Variants in PRKN observed in about 807,000 individuals in gnomAD.
PRKN encodes parkin RBR E3 ubiquitin protein ligase, also known as E3 ubiquitin-protein ligase parkin.
A neutral mutation model predicts 59.5 loss-of-function variants in PRKN; 56 were observed. The ratio of observed to expected loss-of-function variants is 0.94; its 90% CI spans 0.76 to 1.18. The LOEUF (loss-of-function observed/expected upper bound fraction) is 1.18, where lower values mean the gene tolerates loss of function less well. Among genes scored for constraint, PRKN ranks in the 50% most tolerant of loss-of-function variants. The pLI is 0.00. For synonymous variants in PRKN, 250 were observed against 222.1 expected, an observed-to-expected ratio of 1.13 and a Z score of -1.12; for missense variants, 657 against 596.4, an observed-to-expected ratio of 1.10 and a Z score of -1.06.
At chr6:161,683,084 C>T (rs575069297) in intron 7 of PRKN, among the ~76,000 whole-genome samples, 2 of 152,348 alleles carry the variant, frequency 1.3e-5, no homozygotes, top group East Asian at 1.9e-4. Context: ...GCACGACCTA[C>T]GTGCCCTTTA....
At chr6:162,169,758 A>G (rs746999734) in intron 4 of PRKN, among the ~76,000 whole-genome samples, 1 of 152,218 alleles carries the variant, frequency 6.6e-6, no homozygotes, top group Non-Finnish European at 1.5e-5. Flanking sequence ...TTGCTCCCAA[A>G]AAATATTAAA....
intron 1 of PRKN, among the ~76,000 whole-genome samples, chr6:162,590,576 T>C (rs1781262766): frequency 6.6e-6 from 1 of 152,164 alleles, no homozygotes; most frequent in African/African-American, 2.4e-5. Context: ...CCACCAGTCT[T>C]GAATGGGATT....
intron 2 of PRKN, among the ~76,000 whole-genome samples, chr6:162,376,380 G>A (rs941576337): frequency 5.3e-5 from 8 of 152,042 alleles, no homozygotes; most frequent in African/African-American, 1.9e-4. Flanking sequence ...TATCCACATG[G>A]ATCCTTATGT....
chr6:162,670,062 CT>C (rs1168993357), intron 1 of PRKN, among the ~76,000 whole-genome samples: 4 of 152,120 alleles, frequency 2.6e-5, no homozygotes, highest in Non-Finnish European at 4.4e-5. Context: ...TAAAAGTATC[CT>C]TGGTAAAGTG....
intron 1 of PRKN, among the ~76,000 whole-genome samples, chr6:162,443,862 T>C (rs1422824337): frequency 1.3e-5 from 2 of 151,882 alleles, no homozygotes; most frequent in Non-Finnish European, 2.9e-5. Flanking sequence ...ACCCTCTTAA[T>C]AAAAATAGGA....
intron 5 of PRKN, among the ~76,000 whole-genome samples, chr6:161,996,514 C>A (rs1013116666): frequency 6.6e-6 from 1 of 152,086 alleles, no homozygotes; most frequent in Admixed American, 6.6e-5. Flanking sequence ...TAATGGTATT[C>A]CAAATTTACT....
intron 3 of PRKN, among the ~76,000 whole-genome samples, chr6:162,212,518 G>T (rs117483596): frequency 1.9e-4 from 29 of 152,278 alleles, no homozygotes; most frequent in Non-Finnish European, 2.9e-4. Flanking sequence ...TTTTGATATT[G>T]TCTCTGCCTA....
rs538446803 is a variant in PRKN, at chr6:161,807,154, C to T, written c.735-21246G>A. 4.6e-5 allele frequency among the ~76,000 whole-genome samples: 7 copies of T among 152,226 alleles called. No homozygotes were observed. In the East Asian group the frequency reaches 9.6e-4, roughly 21 times the overall value. ...AAGTGTTACATTGAGGATATGAGAACGAGCAATATTCTGTTGCTATAAATC... is the reference window on the plus strand; with the variant it reads ...AAGTGTTACATTGAGGATATGAGAATGAGCAATATTCTGTTGCTATAAATC... On this transcript the variant is annotated intron_variant, in intron 6 of 11. Coordinates refer to ENST00000366898, the MANE Select transcript of PRKN (RefSeq NM_004562.3).
Position 161,417,484 on chromosome 6 carries a change from G to GACCAC in PRKN, c.1084-30612_1084-30608dup, listed in dbSNP as rs1227985170. On this transcript the variant is annotated intron_variant, in intron 9 of 11. Transcript: ENST00000366898. This position sits in a 1 kb window ranked among gnomAD's most constrained non-coding sequence, Gnocchi z 5.4. ...AAAAAAAGTCATCTAATGCCTCCAA[G>GACCAC]ACCACACGCTATTGATTTAATCTCT... Among the ~76,000 whole-genome samples, 2 of 149,328 alleles carry GACCAC rather than the reference G, an allele frequency of 1.3e-5. No homozygotes were observed. Among genetic ancestry groups the GACCAC allele is most frequent in the East Asian group, 4.0e-4 (2 of 5,022 alleles).
At position 161,498,541 on chromosome 6, in the gene PRKN, C is replaced by T. The variant is rs556896360; in HGVS notation, c.1083+50313G>A. Among the ~76,000 whole-genome samples, 7 of 152,208 alleles carry T rather than the reference C, an allele frequency of 4.6e-5. No individual in the cohort carries two copies. In the South Asian group the frequency reaches 1.5e-3, roughly 32 times the overall value. ...GATGTCGTCAAATGCCTTGTTTGGC[C>T]AATGAAATGTGGGTGGCAATGACAT... On this transcript the variant is annotated intron_variant, in intron 9 of 11. Transcript: ENST00000366898. This position sits in a 1 kb window ranked among gnomAD's most constrained non-coding sequence, Gnocchi z 4.2.
At chr6:162,511,306 C>T (rs369174716) in intron 1 of PRKN, among the ~76,000 whole-genome samples, 8 of 151,754 alleles carry the variant, frequency 5.3e-5, no homozygotes, top group Middle Eastern at 3.2e-3. Flanking sequence ...GAAATGGCAA[C>T]ATGAAATGCA....
At chr6:162,162,489 TG>T (rs1782799956) in intron 4 of PRKN, among the ~76,000 whole-genome samples, 1 of 152,152 alleles carries the variant, frequency 6.6e-6, no homozygotes, top group Admixed American at 6.5e-5. Context: ...AGGCATCCAC[TG>T]GGGATCTTGG....
intron 9 of PRKN, among the ~76,000 whole-genome samples, chr6:161,504,572 G>A (rs889860423): frequency 8.6e-5 from 13 of 151,816 alleles, no homozygotes; most frequent in Non-Finnish European, 1.3e-4. Flanking sequence ...TGTGCACAAT[G>A]TGCAGGTTAG....
At chr6:162,500,445 T>C (rs1435020148) in intron 1 of PRKN, among the ~76,000 whole-genome samples, 1 of 152,172 alleles carries the variant, frequency 6.6e-6, no homozygotes, top group Non-Finnish European at 1.5e-5. Flanking sequence ...GTGCTGGGAT[T>C]ACAGGCGTGA....
chr6:161,862,608 TA>T (rs539340319), intron 6 of PRKN, among the ~76,000 whole-genome samples: 7 of 147,962 alleles, frequency 4.7e-5, no homozygotes, highest in Admixed American at 1.4e-4. Flanking sequence ...AGTAACGGGG[TA>T]AAAAAAAAAG....
intron 1 of PRKN, among the ~76,000 whole-genome samples, chr6:162,526,887 C>A (rs2128195145): frequency 6.6e-6 from 1 of 152,182 alleles, no homozygotes; most frequent in South Asian, 2.1e-4. Context: ...CCTAGGTTAG[C>A]CCTTTAAGAC....
At chr6:162,310,387 GGAAGCAGAGGATGCCA>G (rs1291788085) in intron 2 of PRKN, among the ~76,000 whole-genome samples, 4 of 152,228 alleles carry the variant, frequency 2.6e-5, no homozygotes, top group South Asian at 2.1e-4. Flanking sequence ...CCATGGTGAC[GGAAGCAGAGGATGCCA>G]GAAGCAGAGG....
intron 1 of PRKN, among the ~76,000 whole-genome samples, chr6:162,544,828 C>A (rs1779056832): frequency 6.6e-6 from 1 of 150,632 alleles, no homozygotes; most frequent in Non-Finnish European, 1.5e-5. Flanking sequence ...CAGGCATGTG[C>A]CACCACGCCT....
intron 2 of PRKN, among the ~76,000 whole-genome samples, chr6:162,321,917 G>A (rs1434568590): frequency 6.6e-6 from 1 of 151,974 alleles, no homozygotes; most frequent in Non-Finnish European, 1.5e-5. Context: ...ATGAAAGATT[G>A]TCTACTTTCC....
Sources: gnomAD v4.1 joint callset for allele counts (sites outside exome capture counted in the v4.1 genomes callset) on GRCh38, gnomAD v4.1.1 for gene constraint, Gnocchi (gnomAD v3.1) non-coding constraint, MANE v1.5 for transcripts, NCBI Gene and HGNC (gene_info 2026-07-23, HGNC 2026-07-21) for gene names.